Variants in SPSB4 observed in about 807,000 individuals in gnomAD.
The protein encoded by SPSB4 is SPRY domain-containing SOCS box protein 4.
In SPSB4, 21 loss-of-function variants were observed where a neutral mutation model predicts 20.9. The observed-to-expected ratio is 1.01, with a 90% confidence interval of 0.71 to 1.45. The LOEUF (loss-of-function observed/expected upper bound fraction) is 1.45. Among genes scored for constraint, SPSB4 ranks in the 40% most tolerant of loss-of-function variants. The pLI is 0.00. For synonymous variants in SPSB4, 207 were observed against 183.8 expected (o/e 1.13, Z -1.02); for missense variants, 399 against 399.2 (o/e 1.00, Z 0.00).
intron 2 of SPSB4, among the ~76,000 whole-genome samples, chr3:141,078,090 G>A (rs945547167): frequency 2.0e-5 from 3 of 152,220 alleles, no homozygotes; most frequent in Non-Finnish European, 4.4e-5. Flanking sequence ...AAAATCCTGT[G>A]AGTGTCTGAT....
chr3:141,122,992 T>C (rs891431115), intron 2 of SPSB4, among the ~76,000 whole-genome samples: 2 of 152,164 alleles, frequency 1.3e-5, no homozygotes, highest in Admixed American at 1.3e-4. Context: ...GGTACCTCAG[T>C]TGGAAATGCA....
chr3:141,136,948 G>A (rs1314152313), intron 2 of SPSB4, among the ~76,000 whole-genome samples: 3 of 152,068 alleles, frequency 2.0e-5, no homozygotes, highest in Admixed American at 6.5e-5. Context: ...CCATTTTCAC[G>A]ATATTGATTC....
chr3:141,082,605 C>T (rs1193266469), intron 2 of SPSB4, among the ~76,000 whole-genome samples: 1 of 149,836 alleles, frequency 6.7e-6, no homozygotes, highest in African/African-American at 2.5e-5. Flanking sequence ...TATCTCCTTG[C>T]CCCAACCCAG....
intron 2 of SPSB4, among the ~76,000 whole-genome samples, chr3:141,125,326 C>T (rs1333675621): frequency 6.6e-6 from 1 of 152,214 alleles, no homozygotes. Context: ...CTCTCCGTTT[C>T]ACCCATGCGC....
At chr3:141,135,542 T>C (rs934043509) in intron 2 of SPSB4, among the ~76,000 whole-genome samples, 1 of 149,620 alleles carries the variant, frequency 6.7e-6, no homozygotes, top group Non-Finnish European at 1.5e-5. Flanking sequence ...CCTTCCTGTG[T>C]CCATGTGTTC....
At chr3:141,083,480 A>G (rs1006790730) in intron 2 of SPSB4, among the ~76,000 whole-genome samples, 1 of 152,108 alleles carries the variant, frequency 6.6e-6, no homozygotes, top group African/African-American at 2.4e-5. Context: ...GGGCAGGGCC[A>G]GGGAGGTGAC....
At chr3:141,090,429 T>C (rs549253872) in intron 2 of SPSB4, among the ~76,000 whole-genome samples, 60 of 152,172 alleles carry the variant, frequency 3.9e-4, no homozygotes, top group Middle Eastern at 6.8e-3. Flanking sequence ...AGCTGGAGTG[T>C]GTTGGAGGAG....
rs574202923 is a variant in SPSB4 at position 141,068,480 on chromosome 3, T to C, written c.694+1682T>C. 2.1e-3 allele frequency among the ~76,000 whole-genome samples: 319 copies of C among 152,328 alleles called. 4 individuals are homozygous for C. The highest frequency in any genetic ancestry group is 0.019 in the South Asian group (91 of 4,816). ...TAATGGAATTGGAAAATTTATTTGC[T>C]GGAATTAATCACTGGACTAGAAGAG... On this transcript the variant is annotated intron_variant, in intron 2 of 2. Transcript: ENST00000310546.
chr3:141,112,433 C>T (rs1938814175), intron 2 of SPSB4, among the ~76,000 whole-genome samples: 1 of 151,588 alleles, frequency 6.6e-6, no homozygotes, highest in Non-Finnish European at 1.5e-5. Context: ...ATCACGAGGT[C>T]AGGAGATCGA....
intron 2 of SPSB4, among the ~76,000 whole-genome samples, chr3:141,082,631 C>A (rs553319646): frequency 6.6e-6 from 1 of 151,242 alleles, no homozygotes; most frequent in Non-Finnish European, 1.5e-5. Flanking sequence ...ATCTATCTAT[C>A]TATCTATCTA....
chr3:141,071,957 C>T (rs1938015390), intron 2 of SPSB4, among the ~76,000 whole-genome samples: 1 of 152,226 alleles, frequency 6.6e-6, no homozygotes, highest in Non-Finnish European at 1.5e-5. Context: ...ACTACAAGGA[C>T]ACTGTCTCCT....
rs1222303281 is a variant in SPSB4, at chr3:141,134,056, C to CTTT, written c.695-13069_695-13067dup. ...TTTTCTTTTTTTTTTTTTCTTTTTT[C>CTTT]TTTTTTTTTTTTTTTTTTTGCAGCT... On this transcript the variant is annotated intron_variant, in intron 2 of 2. Transcript: ENST00000310546. 5.3e-3 allele frequency among the ~76,000 whole-genome samples: 327 copies of CTTT among 61,628 alleles called. 11 individuals carry two copies. The highest frequency in any genetic ancestry group is 0.021 in the African/African-American group (300 of 14,038). 40.4% of individuals were successfully genotyped at this position (61,628 alleles called of 152,430 possible). A position where few individuals can be genotyped will look rare whatever the true frequency, so the allele number is the denominator to read the frequency against.
chr3:141,106,120 C>T (rs1448259520), intron 2 of SPSB4, among the ~76,000 whole-genome samples: 1 of 152,234 alleles, frequency 6.6e-6, no homozygotes, highest in Non-Finnish European at 1.5e-5. Context: ...GTCAGCCACT[C>T]CAGCCCTCTA....
At chr3:141,145,655 A>G (rs1939400370) in intron 2 of SPSB4, among the ~76,000 whole-genome samples, 1 of 152,128 alleles carries the variant, frequency 6.6e-6, no homozygotes, top group Admixed American at 6.5e-5. Flanking sequence ...CATTTATTCT[A>G]TTACCAAAAA....
Position 141,071,752 on chromosome 3 carries a change from T to G in SPSB4, c.694+4954T>G, listed in dbSNP as rs574133024. Among the ~76,000 whole-genome samples the G allele has an allele frequency of 2.6e-5, 4 of 152,292 alleles. No homozygotes were observed. The South Asian group carries it at 8.3e-4, about 32-fold the overall frequency. On this transcript the variant is annotated intron_variant, in intron 2 of 2. Coordinates refer to ENST00000310546, the MANE Select transcript of SPSB4 (RefSeq NM_080862.3). ...AGGGTGGAGCGTGGAAATACAGGTA[T>G]CTTGGGCCTAACTGGCTGAGAGGGC...
At chr3:141,088,565 G>A (rs761087273) in intron 2 of SPSB4, among the ~76,000 whole-genome samples, 11 of 152,168 alleles carry the variant, frequency 7.2e-5, no homozygotes, top group South Asian at 2.1e-4. Context: ...CCACTCAGCC[G>A]GATGCAGGCA....
intron 2 of SPSB4, among the ~76,000 whole-genome samples, chr3:141,072,215 T>C (rs892262544): frequency 6.6e-6 from 1 of 152,242 alleles, no homozygotes; most frequent in African/African-American, 2.4e-5. Context: ...TTTCCACCCA[T>C]AGGCCTTCTT....
intron 2 of SPSB4, among the ~76,000 whole-genome samples, chr3:141,107,274 GA>G (rs1188555400): frequency 6.6e-6 from 1 of 152,216 alleles, no homozygotes; most frequent in Non-Finnish European, 1.5e-5. Context: ...TAGTAGAATG[GA>G]AGTTCATACA....
At chr3:141,146,442 C>T (rs977736425) in intron 2 of SPSB4, among the ~76,000 whole-genome samples, 2 of 152,136 alleles carry the variant, frequency 1.3e-5, no homozygotes, top group African/African-American at 4.8e-5. Context: ...AGCTTTTAAA[C>T]ATTTTCCATC....
Sources: allele counts gnomAD v4.1 joint callset (sites outside exome capture counted in the v4.1 genomes callset), GRCh38; gene constraint gnomAD v4.1.1; transcripts MANE v1.5; gene names NCBI Gene and HGNC (gene_info 2026-07-23, HGNC 2026-07-21).